Variants in SCP2 observed in about 807,000 individuals in gnomAD.
The protein encoded by SCP2 is sterol carrier protein 2.
SCP2 carries 48 observed loss-of-function variants against 71.4 expected under a neutral mutation model. The observed-to-expected ratio is 0.67, with a 90% CI of 0.53 to 0.86. The LOEUF (loss-of-function observed/expected upper bound fraction) is 0.86. Among genes scored for constraint, SCP2 ranks in the 40% least tolerant of loss-of-function variants. SCP2 has a pLI of 0.00. For synonymous variants in SCP2, 220 were observed against 218.1 expected (o/e 1.01, Z -0.08); for missense variants, 560 against 655.6 (o/e 0.85, Z 1.59).
chr1:53,003,994 T>C (rs1305043251), intron 11 of SCP2, among the ~76,000 whole-genome samples: 2 of 152,186 alleles, frequency 1.3e-5, no homozygotes, highest in African/African-American at 4.8e-5. Flanking sequence ...TCTTGCGCTT[T>C]GGGGCCATCA....
chr1:53,030,547 AG>A (rs1341160775), intron 13 of SCP2, among the ~76,000 whole-genome samples: 3 of 151,814 alleles, frequency 2.0e-5, no homozygotes, highest in African/African-American at 4.8e-5. Flanking sequence ...GCTATGTTGG[AG>A]ACTAACTATT....
intron 13 of SCP2, among the ~76,000 whole-genome samples, chr1:53,036,017 C>T (rs965244483): frequency 2.5e-4 from 23 of 93,662 alleles, no homozygotes; most frequent in African/African-American, 1.4e-3. Context: ...GAGACTCCGT[C>T]TCAAAAAAAA....
chr1:52,989,511 A>C (rs1318794438), intron 11 of SCP2, among the ~76,000 whole-genome samples: 4 of 150,934 alleles, frequency 2.7e-5, no homozygotes, highest in African/African-American at 9.9e-5. Flanking sequence ...AGTCATGGTG[A>C]AAATTAGCAG....
intron 2 of SCP2, among the ~76,000 whole-genome samples, chr1:52,942,694 G>GTTTTT (rs147939561): frequency 8.3e-6 from 1 of 120,560 alleles, no homozygotes; most frequent in Non-Finnish European, 1.7e-5. Flanking sequence ...AATTTAACAG[G>GTTTTT]TTTTTTTTTT....
At chr1:52,939,255 A>G (rs1375488136) in intron 1 of SCP2, among the ~76,000 whole-genome samples, 1 of 152,220 alleles carries the variant, frequency 6.6e-6, no homozygotes, top group Non-Finnish European at 1.5e-5. Flanking sequence ...TAGTATAAAC[A>G]TCTGTGTGGT....
At chr1:53,037,875 T>TACACACACACAC (rs1298266602) in intron 13 of SCP2, among the ~76,000 whole-genome samples, 1 of 96,508 alleles carries the variant, frequency 1.0e-5, no homozygotes, top group Non-Finnish European at 2.0e-5. Context: ...ATCCTGTCTC[T>TACACACACACAC]ACATACACAC....
At chr1:52,987,770 A>C (rs1040137770) in intron 10 of SCP2, among the ~76,000 whole-genome samples, 3 of 152,210 alleles carry the variant, frequency 2.0e-5, no homozygotes, top group Admixed American at 6.5e-5. Flanking sequence ...AGTTCTCTGA[A>C]TCTCTACCAT....
chr1:53,033,974 T>C (rs752331715), intron 13 of SCP2, among the ~76,000 whole-genome samples: 3 of 151,970 alleles, frequency 2.0e-5, no homozygotes, highest in Non-Finnish European at 4.4e-5. Context: ...GTAGAAAGGA[T>C]TGAAGGAGGC....
chr1:52,960,712 ATGTGCG>A (rs1656344060), intron 5 of SCP2, among the ~76,000 whole-genome samples: 1 of 136,366 alleles, frequency 7.3e-6, no homozygotes, highest in African/African-American at 2.9e-5. Flanking sequence ...TGTATATATT[ATGTGCG>A]TGTGTGTGTG....
At chr1:52,987,048 G>A (rs867033765) in intron 10 of SCP2, among the ~76,000 whole-genome samples, 5 of 127,782 alleles carry the variant, frequency 3.9e-5, no homozygotes, top group East Asian at 2.3e-4. Flanking sequence ...TGCTCTTGTC[G>A]CCCAGGGGTG....
chr1:53,048,406 T>C, intron 15 of SCP2: 1 of 234,498 alleles, frequency 4.3e-6, no homozygotes, highest in South Asian at 6.7e-5. Flanking sequence ...TCTTTTTGCC[T>C]GACCTGTCCT....
At chr1:53,044,885 A>G (rs1278537811) in intron 14 of SCP2, among the ~76,000 whole-genome samples, 2 of 152,130 alleles carry the variant, frequency 1.3e-5, no homozygotes, top group Non-Finnish European at 2.9e-5. Flanking sequence ...CTTTGATAAT[A>G]AAATTAATAT....
intron 11 of SCP2, among the ~76,000 whole-genome samples, chr1:53,009,819 C>T (rs889847994): frequency 1.3e-5 from 2 of 152,202 alleles, no homozygotes; most frequent in Non-Finnish European, 2.9e-5. Flanking sequence ...GCAAAAGAAA[C>T]TACCATCAGA....
intron 1 of SCP2, among the ~76,000 whole-genome samples, chr1:52,934,732 C>T (rs1176020554): frequency 6.7e-6 from 1 of 148,214 alleles, no homozygotes; most frequent in Non-Finnish European, 1.5e-5. Flanking sequence ...CCTGCCTCAG[C>T]CTCCCGAGTA....
At chr1:52,951,427 C>G (rs1426036541) in intron 4 of SCP2, among the ~76,000 whole-genome samples, 1 of 151,316 alleles carries the variant, frequency 6.6e-6, no homozygotes, top group Non-Finnish European at 1.5e-5. Context: ...GTAGTTAGAA[C>G]CTGTGTTTAT....
chr1:52,946,420 T>G (rs1654802465), intron 2 of SCP2, among the ~76,000 whole-genome samples: 1 of 151,054 alleles, frequency 6.6e-6, no homozygotes, highest in African/African-American at 2.4e-5. Flanking sequence ...AGAGATGGGG[T>G]CCCAGGCTGG....
chr1:53,024,525 C>T (rs1321471313), intron 12 of SCP2, among the ~76,000 whole-genome samples: 1 of 151,448 alleles, frequency 6.6e-6, no homozygotes, highest in African/African-American at 2.4e-5. Flanking sequence ...ATAGGACTCT[C>T]ATATGCCCAC....
chr1:52,962,233 A>G (rs1202748022), intron 6 of SCP2, among the ~76,000 whole-genome samples: 2 of 152,110 alleles, frequency 1.3e-5, no homozygotes, highest in Non-Finnish European at 2.9e-5. Flanking sequence ...TTAAAATGTC[A>G]ACCAAGAAGA....
In SCP2 at chr1:53,040,847, T is replaced by C. The variant is rs182441598; in HGVS notation, c.1468+1801T>C. 5.9e-5 allele frequency among the ~76,000 whole-genome samples: 9 copies of C among 152,358 alleles called. No homozygotes were observed. The East Asian group carries it at 1.7e-3, about 29-fold the overall frequency. On this transcript the variant is annotated intron_variant, in intron 14 of 15. Coordinates refer to ENST00000371514, the MANE Select transcript of SCP2 (RefSeq NM_002979.5). ...TTTACTTATTTTCTTATTGTCCATC[T>C]CTCTCACTTGAATTGTAAGTTCCTT...
Sources: allele counts gnomAD v4.1 joint callset (sites outside exome capture counted in the v4.1 genomes callset), GRCh38; gene constraint gnomAD v4.1.1; transcripts MANE v1.5; gene names NCBI Gene and HGNC (gene_info 2026-07-23, HGNC 2026-07-21).